The following WDPCP variants were observed in gnomAD, a reference collection of about 807,000 sequenced individuals.
The protein encoded by WDPCP is WD repeat containing planar cell polarity effector.
A neutral mutation model predicts 93.1 loss-of-function variants in WDPCP; 71 were observed. The observed-to-expected ratio is 0.76, with a 90% CI of 0.63 to 0.93. The LOEUF (loss-of-function observed/expected upper bound fraction) is 0.93, where lower values mean the gene tolerates loss of function less well. Among genes scored for constraint, WDPCP ranks in the 40% least tolerant of loss-of-function variants. The pLI is 0.00. For missense variants in WDPCP, 844 were observed against 887.4 expected (o/e 0.95, Z 0.62); for synonymous variants, 315 against 315.0 (o/e 1.00, Z 0.00).
At chr2:63,833,212 C>A in the WDPCP span, among the ~76,000 whole-genome samples, 2 of 152,180 alleles carry the variant, frequency 1.3e-5, no homozygotes, top group African/African-American at 2.4e-5. Context: ...GAGGCTATGC[C>A]ACTGCACTCC....
chr2:63,226,045 T>A (rs1380601814), intron 14 of WDPCP, among the ~76,000 whole-genome samples: 3 of 151,894 alleles, frequency 2.0e-5, no homozygotes, highest in Admixed American at 2.0e-4. Flanking sequence ...AGAAACAAAA[T>A]TTGGCTCTTC....
At chr2:63,388,554 G>T (rs1411865737) in intron 10 of WDPCP, among the ~76,000 whole-genome samples, 1 of 152,190 alleles carries the variant, frequency 6.6e-6, no homozygotes, top group Non-Finnish European at 1.5e-5. Context: ...TGACTTCGAC[G>T]AGTTGACAGA....
At chr2:63,476,756 A>T (rs1355949503) in intron 6 of WDPCP, among the ~76,000 whole-genome samples, 2 of 152,210 alleles carry the variant, frequency 1.3e-5, no homozygotes, top group Non-Finnish European at 2.9e-5. Context: ...TATGTCTATT[A>T]TTATTTTATG....
upstream of WDPCP, chr2:63,593,527 C>T (rs182423214): frequency 2.1e-3 from 995 of 470,628 alleles, 2 homozygotes; most frequent in African/African-American, 0.011. Context: ...ATCCTTGTTT[C>T]GTCTCAGAGA....
At chr2:63,437,732 G>A (rs1697232479) in intron 7 of WDPCP, 178 bp from the exon 8 acceptor site, 2 of 1,078,040 alleles carry the variant, frequency 1.9e-6, no homozygotes, top group Admixed American at 3.1e-5. Context: ...AACAATAATT[G>A]TCAATCTAAT....
At chr2:63,575,006 G>A (rs1284346398) in intron 1 of WDPCP, among the ~76,000 whole-genome samples, 1 of 151,928 alleles carries the variant, frequency 6.6e-6, no homozygotes, top group Non-Finnish European at 1.5e-5. Flanking sequence ...TGAGAATCAT[G>A]ATCATATTCA....
intron 9 of WDPCP, among the ~76,000 whole-genome samples, chr2:63,430,891 G>A (rs927525375): frequency 7.2e-5 from 11 of 152,242 alleles, no homozygotes; most frequent in African/African-American, 2.6e-4. Context: ...AAATATATGT[G>A]TGGACTGTTG....
intron 12 of WDPCP, among the ~76,000 whole-genome samples, chr2:63,320,958 G>C (rs940710200): frequency 2.0e-5 from 3 of 151,936 alleles, no homozygotes; most frequent in African/African-American, 7.3e-5. Context: ...TACAAACACA[G>C]ATAGTTTGAA....
At chr2:63,486,438 A>T in intron 4 of WDPCP, 104 bp downstream of exon 4, 1 of 1,065,246 alleles carries the variant, frequency 9.4e-7, no homozygotes, top group Non-Finnish European at 1.4e-6. Flanking sequence ...AGGAATTTAA[A>T]AAATTTGGAG....
chr2:63,153,376 A>C, intron 16 of WDPCP, 119 bp downstream of exon 16: 1 of 752,790 alleles, frequency 1.3e-6, no homozygotes, highest in East Asian at 2.8e-5. Flanking sequence ...AAGCAGTCTT[A>C]TACCAACTAG....
At chr2:63,336,366 GCT>G (rs374607863) in intron 12 of WDPCP, among the ~76,000 whole-genome samples, 7 of 152,042 alleles carry the variant, frequency 4.6e-5, no homozygotes, top group African/African-American at 1.4e-4. Context: ...TTACCTAATT[GCT>G]CTGACTAGCA....
chr2:63,604,788 T>C (rs1709495800), intron 3 of WDPCP: 4 of 1,614,096 alleles, frequency 2.5e-6, no homozygotes, highest in Non-Finnish European at 3.4e-6. Context: ...ATGTCAACCA[T>C]GCCAAGGTGA....
intron 17 of WDPCP, among the ~76,000 whole-genome samples, chr2:63,134,978 C>T (rs1053840264): frequency 2.0e-5 from 3 of 152,052 alleles, no homozygotes; most frequent in African/African-American, 7.2e-5. Flanking sequence ...CAAAAATTAG[C>T]CAGGTGTGGT....
intron 2 of WDPCP, among the ~76,000 whole-genome samples, chr2:63,794,232 C>A (rs982938855): frequency 6.6e-6 from 1 of 152,160 alleles, no homozygotes; most frequent in Non-Finnish European, 1.5e-5. Context: ...GTCATCTCTT[C>A]AACATCTATT....
intron 1 of WDPCP, among the ~76,000 whole-genome samples, chr2:63,587,299 CTA>C (rs1032526390): frequency 3.1e-4 from 47 of 152,048 alleles, no homozygotes; most frequent in African/African-American, 1.1e-3. Flanking sequence ...GAGATCACAA[CTA>C]AAAAAAATTT....
At chr2:63,135,979 C>T (rs1670590113) in intron 17 of WDPCP, among the ~76,000 whole-genome samples, 2 of 152,136 alleles carry the variant, frequency 1.3e-5, no homozygotes, top group Non-Finnish European at 2.9e-5. Flanking sequence ...GTAATCCTTC[C>T]ACCTTGGCCT....
intron 11 of WDPCP, 116 bp downstream of exon 11, chr2:63,381,790 A>T: frequency 9.1e-7 from 1 of 1,093,598 alleles, no homozygotes; most frequent in South Asian, 1.5e-5. Flanking sequence ...GAGCACTAAC[A>T]TTTTTATCAT....
At chr2:63,212,654 T>C (rs1371213784) in intron 14 of WDPCP, among the ~76,000 whole-genome samples, 1 of 152,054 alleles carries the variant, frequency 6.6e-6, no homozygotes, top group Non-Finnish European at 1.5e-5. Flanking sequence ...AATGCCCCAA[T>C]TAAAAGACAC....
At chr2:63,462,514 T>C (rs1422871234) in intron 6 of WDPCP, among the ~76,000 whole-genome samples, 1 of 151,876 alleles carries the variant, frequency 6.6e-6, no homozygotes, top group African/African-American at 2.4e-5. Context: ...AATAAATAAA[T>C]AATTAATTAA....
Sources: gnomAD v4.1 joint callset for allele counts (sites outside exome capture counted in the v4.1 genomes callset) on GRCh38, gnomAD v4.1.1 for gene constraint, MANE v1.5 for transcripts, NCBI Gene and HGNC (gene_info 2026-07-23, HGNC 2026-07-21) for gene names.